The following WDFY3 variants were observed in gnomAD, a reference collection of about 807,000 sequenced individuals.
WDFY3 encodes the protein WD repeat and FYVE domain-containing protein 3.
In WDFY3, 66 loss-of-function variants were observed where a neutral mutation model predicts 409.6. The ratio of observed to expected loss-of-function variants is 0.16; its 90% CI spans 0.13 to 0.20. The LOEUF (loss-of-function observed/expected upper bound fraction) is 0.20. Among genes scored for constraint, WDFY3 ranks in the 10% least tolerant of loss-of-function variants. WDFY3 has a pLI of 1.00. For missense variants in WDFY3, 3,031 were observed against 4,298.1 expected (o/e 0.71, Z 8.24); for synonymous variants, 1,521 against 1,537.1 (o/e 0.99, Z 0.25).
At chr4:84,802,114 A>C (rs966627381) in intron 16 of WDFY3, among the ~76,000 whole-genome samples, 7 of 151,794 alleles carry the variant, frequency 4.6e-5, no homozygotes, top group African/African-American at 1.7e-4. Context: ...CGCCCAGTTA[A>C]CTTTTGTATT....
intron 56 of WDFY3, among the ~76,000 whole-genome samples, chr4:84,698,441 ATTATT>A (rs1005876691): frequency 5.9e-5 from 9 of 151,450 alleles, no homozygotes; most frequent in Non-Finnish European, 1.2e-4. Context: ...TGCCTGGCTA[ATTATT>A]TTATTTTGAA....
At chr4:84,764,633 G>A (rs370500365) in intron 32 of WDFY3, among the ~76,000 whole-genome samples, 20 of 152,130 alleles carry the variant, frequency 1.3e-4, no homozygotes, top group South Asian at 4.1e-4. Context: ...AGGCGAAGGC[G>A]GGTGGATCAC....
intron 44 of WDFY3, among the ~76,000 whole-genome samples, chr4:84,728,907 C>A (rs1224587939): frequency 1.3e-5 from 2 of 152,182 alleles, no homozygotes; most frequent in East Asian, 3.9e-4. Flanking sequence ...GAATTTCTAG[C>A]AAATAATGTT....
intron 3 of WDFY3, among the ~76,000 whole-genome samples, chr4:84,869,835 C>T (rs1410901062): frequency 6.6e-6 from 1 of 152,086 alleles, no homozygotes; most frequent in East Asian, 1.9e-4. Flanking sequence ...AAAAACACTA[C>T]ACAACACATA....
intron 50 of WDFY3, among the ~76,000 whole-genome samples, chr4:84,714,203 C>A (rs1420264733): frequency 1.3e-5 from 2 of 152,144 alleles, no homozygotes; most frequent in Non-Finnish European, 2.9e-5. Context: ...TTACTACAAC[C>A]TTGACCTCCT....
Position 84,778,619 on chromosome 4 carries a change from G to A in WDFY3, c.4402C>T (p.Leu1468Phe). ...AMLLKKKRSL[L>F]NSHILHLTFS... is the part of the protein sequence containing the mutation. Reference sequence around the variant, plus strand: ...GTTAGATGGAGGATGTGGCTGTTAAGAAGGGAACGTTTCTTCTTAAGCAAC... The same window carrying A: ...GTTAGATGGAGGATGTGGCTGTTAAAAAGGGAACGTTTCTTCTTAAGCAAC... Residue 1468 changes from leucine (L) to phenylalanine (F), a missense_variant, in exon 27 of 68, where the codon CTT becomes TTT. This residue lies in a region of WDFY3 where 55 missense variants were observed against 124.1 expected (regional missense o/e 0.44). Coordinates refer to ENST00000295888, the MANE Select transcript of WDFY3 (RefSeq NM_014991.6). The A allele has an allele frequency of 6.2e-7, 1 of 1,612,312 alleles. No homozygotes were observed. The highest frequency in any genetic ancestry group is 8.5e-7 in the Non-Finnish European group (1 of 1,179,538).
intron 3 of WDFY3, among the ~76,000 whole-genome samples, chr4:84,875,030 G>A (rs1383632525): frequency 6.6e-6 from 1 of 151,964 alleles, no homozygotes; most frequent in Non-Finnish European, 1.5e-5. Flanking sequence ...AGCACTTTGG[G>A]AGTCCGAGGC....
At position 84,726,905 on chromosome 4, in the gene WDFY3, T is replaced by C; in HGVS notation, c.7228A>G (p.Ile2410Val). ...TEQETNVASEIPSKQPETPDD... is the reference protein window; with the variant it reads ...TEQETNVASEVPSKQPETPDD... The stretch of plus-strand genomic sequence containing the variant: ...GGTGTCTCAGGCTGTTTACTTGGGA[T>C]CTCAGACTGAAAACAGGGTATTAAG... Residue 2410 changes from isoleucine to valine, a missense_variant, in exon 45 of 68, where the codon ATC becomes GTC. Coordinates refer to ENST00000295888, the MANE Select transcript of WDFY3 (RefSeq NM_014991.6). The C allele has an allele frequency of 6.2e-7, 1 of 1,606,010 alleles. No individual in the cohort carries two copies. The highest frequency in any genetic ancestry group is 8.5e-7 in the Non-Finnish European group (1 of 1,177,708).
intron 3 of WDFY3, among the ~76,000 whole-genome samples, chr4:84,873,758 T>C (rs1762416580): frequency 6.6e-6 from 1 of 151,852 alleles, no homozygotes; most frequent in Non-Finnish European, 1.5e-5. Flanking sequence ...ACTGGTGTCT[T>C]GTTCGTTTTT....
intron 32 of WDFY3, among the ~76,000 whole-genome samples, chr4:84,759,090 G>T (rs1208131121): frequency 6.6e-6 from 1 of 152,074 alleles, no homozygotes; most frequent in Non-Finnish European, 1.5e-5. Context: ...TTTTTCTCAG[G>T]TTTGTCAAAG....
chr4:84,682,020 T>G (rs1038386901), intron 64 of WDFY3, among the ~76,000 whole-genome samples: 1 of 152,200 alleles, frequency 6.6e-6, no homozygotes, highest in East Asian at 1.9e-4. Context: ...AGAACAAATG[T>G]GGGGCTGGGG....
intron 4 of WDFY3, among the ~76,000 whole-genome samples, chr4:84,851,431 G>C (rs1758993929): frequency 6.6e-6 from 1 of 152,006 alleles, no homozygotes; most frequent in Admixed American, 6.5e-5. Context: ...CCCTAAATAT[G>C]GTTGTTTATT....
rs1243705848 is a variant in WDFY3 at position 84,781,487 on chromosome 4, C to T, written c.4175-1189G>A. Among the ~76,000 whole-genome samples the T allele has an allele frequency of 3.4e-5, 5 of 146,030 alleles. No individual in the cohort carries two copies. The East Asian group carries it at 1.1e-3, about 31-fold the overall frequency. On this transcript the variant is annotated intron_variant, in intron 25 of 67. Coordinates refer to ENST00000295888, the MANE Select transcript of WDFY3 (RefSeq NM_014991.6). Reference sequence around the variant, plus strand: ...CTCATTGCAGTCTCCTGGGCTCAAACAATCCTCCTGTCTAGGCCTCCCAAA... The same window carrying T: ...CTCATTGCAGTCTCCTGGGCTCAAATAATCCTCCTGTCTAGGCCTCCCAAA...
At chr4:84,914,631 A>C (rs1440709899) in intron 2 of WDFY3, among the ~76,000 whole-genome samples, 1 of 152,136 alleles carries the variant, frequency 6.6e-6, no homozygotes, top group African/African-American at 2.4e-5. Flanking sequence ...TCAAAACCAC[A>C]ATGAGACACC....
At chr4:84,899,139 C>T (rs887657408) in intron 2 of WDFY3, among the ~76,000 whole-genome samples, 6 of 152,218 alleles carry the variant, frequency 3.9e-5, no homozygotes, top group African/African-American at 1.2e-4. Context: ...GCTCCTAATA[C>T]ATACCTTTTT....
chr4:84,789,710 G>A lies in WDFY3; in HGVS notation c.3669+16C>T, dbSNP rs758573218. The stretch of plus-strand genomic sequence containing the variant: ...CCTTATAAAACAGGTAGATTTACAA[G>A]TGCACATACACTTACCTTTACAGTG... On this transcript the variant is annotated intron_variant, in intron 22 of 67. Transcript: ENST00000295888. 1.2e-6 allele frequency: 2 copies of A among 1,611,094 alleles called. No individual in the cohort carries two copies. The highest frequency in any genetic ancestry group is 2.2e-5 in the East Asian group (1 of 44,756).
rs374839838 is a variant in WDFY3, at chr4:84,778,687, T to C, written c.4366-32A>G. ...GAAAGTAATACCAAATGCCTGTTGA[T>C]AAATCATCATATATATTCATTACAC... On this transcript the variant is annotated intron_variant, in intron 26 of 67. Coordinates refer to ENST00000295888, the MANE Select transcript of WDFY3 (RefSeq NM_014991.6). The C allele has an allele frequency of 3.1e-6, 5 of 1,589,328 alleles. No individual in the cohort carries two copies. The African/African-American group carries it at 5.4e-5, about 17-fold the overall frequency.
chr4:84,866,207 C>G (rs1761374983), intron 3 of WDFY3, among the ~76,000 whole-genome samples: 1 of 152,158 alleles, frequency 6.6e-6, no homozygotes, highest in African/African-American at 2.4e-5. Flanking sequence ...CCAAATAACA[C>G]TTCAGCATAT....
chr4:84,889,397 G>T (rs1349894456), intron 3 of WDFY3, among the ~76,000 whole-genome samples: 4 of 152,226 alleles, frequency 2.6e-5, no homozygotes, highest in Admixed American at 6.5e-5. Flanking sequence ...AGACAAAATT[G>T]ATTAGTTCCC....
Sources: gnomAD v4.1 joint callset for allele counts (sites outside exome capture counted in the v4.1 genomes callset) on GRCh38, gnomAD v4.1.1 for gene constraint, gnomAD v4.1.1 regional missense constraint, MANE v1.5 for transcripts, NCBI Gene and HGNC (gene_info 2026-07-23, HGNC 2026-07-21) for gene names.